The following HS3ST2 variants were observed in gnomAD, a reference collection of about 807,000 sequenced individuals.
The protein encoded by HS3ST2 is heparan sulfate-glucosamine 3-sulfotransferase 2.
Under a neutral mutation model 26.3 loss-of-function variants are expected in HS3ST2, and 17 were observed. The observed-to-expected ratio is 0.65, with a 90% confidence interval of 0.44 to 0.97. The LOEUF (loss-of-function observed/expected upper bound fraction) is 0.97, where lower values mean the gene tolerates loss of function less well. Ranked by LOEUF, HS3ST2 falls within the 50% of genes least tolerant of loss-of-function variation. The pLI is 0.00. For missense variants in HS3ST2, 402 were observed against 501.2 expected (o/e 0.80, Z 1.89); for synonymous variants, 237 against 219.2 (o/e 1.08, Z -0.72).
chr16:22,861,402 C>T (rs995576241), intron 1 of HS3ST2, among the ~76,000 whole-genome samples: 2 of 151,766 alleles, frequency 1.3e-5, no homozygotes, highest in African/African-American at 2.4e-5. Context: ...AGAACCTGTA[C>T]TTGCTGGAGA....
intron 1 of HS3ST2, among the ~76,000 whole-genome samples, chr16:22,879,131 G>C (rs1303022532): frequency 6.6e-6 from 1 of 152,212 alleles, no homozygotes; most frequent in East Asian, 1.9e-4. Context: ...GACTGCCTGG[G>C]CTCTGGCTGC....
At chr16:22,865,049 CAA>C (rs59256411) in intron 1 of HS3ST2, among the ~76,000 whole-genome samples, 8,054 of 49,504 alleles carry the variant, frequency 0.16, 281 homozygotes, top group East Asian at 0.45. Context: ...GACCCTATCT[CAA>C]AAAAAAAAAA....
chr16:22,906,412 C>A (rs1429596149), intron 1 of HS3ST2, among the ~76,000 whole-genome samples: 1 of 62,966 alleles, frequency 1.6e-5, no homozygotes, highest in Non-Finnish European at 3.2e-5. Context: ...GGTACCTGGG[C>A]CTCGTGCCCA....
intron 1 of HS3ST2, among the ~76,000 whole-genome samples, chr16:22,815,804 C>A (rs1168289612): frequency 6.6e-6 from 1 of 152,170 alleles, no homozygotes; most frequent in African/African-American, 2.4e-5. Context: ...TCCCAATGGG[C>A]AGGAAAACAG....
At chr16:22,883,891 C>A (rs936553224) in intron 1 of HS3ST2, among the ~76,000 whole-genome samples, 3 of 152,190 alleles carry the variant, frequency 2.0e-5, no homozygotes, top group African/African-American at 7.2e-5. Flanking sequence ...GGAACCCACC[C>A]AGCCAGCCAC....
chr16:22,900,827 C>T (rs768461928), intron 1 of HS3ST2, among the ~76,000 whole-genome samples: 4 of 151,922 alleles, frequency 2.6e-5, no homozygotes, highest in Admixed American at 6.6e-5. Flanking sequence ...CGGAGAGTAC[C>T]GCTTCAGAAG....
At chr16:22,893,758 TAAC>T (rs2141201771) in intron 1 of HS3ST2, among the ~76,000 whole-genome samples, 1 of 151,774 alleles carries the variant, frequency 6.6e-6, no homozygotes, top group African/African-American at 2.4e-5. Flanking sequence ...AAGTAGGAGT[TAAC>T]AATGAGAACA....
intron 1 of HS3ST2, among the ~76,000 whole-genome samples, chr16:22,898,780 A>G (rs1902242018): frequency 6.6e-6 from 1 of 152,174 alleles, no homozygotes; most frequent in Admixed American, 6.5e-5. Context: ...GACATGAATT[A>G]TATGTAGGCA....
chr16:22,863,041 G>A (rs1293969136), intron 1 of HS3ST2, among the ~76,000 whole-genome samples: 1 of 152,230 alleles, frequency 6.6e-6, no homozygotes, highest in Non-Finnish European at 1.5e-5. Flanking sequence ...ACTACAGACA[G>A]TCTTCCCAGT....
At chr16:22,861,727 C>T (rs1026012513) in intron 1 of HS3ST2, among the ~76,000 whole-genome samples, 2 of 152,160 alleles carry the variant, frequency 1.3e-5, no homozygotes, top group African/African-American at 4.8e-5. Flanking sequence ...ATTGTGGCCT[C>T]CGGCATCTCA....
At chr16:22,909,179 C>T (rs78858436) in intron 1 of HS3ST2, among the ~76,000 whole-genome samples, 1 of 152,326 alleles carries the variant, frequency 6.6e-6, no homozygotes, top group Non-Finnish European at 1.5e-5. Context: ...CCACCCTTGG[C>T]CCATCAAGAT....
At chr16:22,888,755 G>A (rs1488049845) in intron 1 of HS3ST2, among the ~76,000 whole-genome samples, 1 of 152,190 alleles carries the variant, frequency 6.6e-6, no homozygotes, top group Non-Finnish European at 1.5e-5. Context: ...ATGGTCTGTT[G>A]TTGCCTGCCA....
At chr16:22,832,151 C>CTTTTTTTTTTTTTTTT (rs71151684) in intron 1 of HS3ST2, among the ~76,000 whole-genome samples, 3 of 115,468 alleles carry the variant, frequency 2.6e-5, no homozygotes, top group Non-Finnish European at 3.6e-5. Flanking sequence ...CCCAGCTGAT[C>CTTTTTTTTTTTTTTTT]TTTTTTTTTT....
intron 1 of HS3ST2, among the ~76,000 whole-genome samples, chr16:22,816,955 C>A (rs925891620): frequency 2.0e-5 from 3 of 152,164 alleles, no homozygotes; most frequent in Admixed American, 2.0e-4. Context: ...CTCCTCCCTC[C>A]CCTCTCTTCC....
chr16:22,846,251 T>C (rs1053465186), intron 1 of HS3ST2, among the ~76,000 whole-genome samples: 2 of 151,064 alleles, frequency 1.3e-5, no homozygotes, highest in South Asian at 2.1e-4. Context: ...CTCTCCAGCC[T>C]GGGTGGCAGA....
At chr16:22,816,787 G>T (rs1250346782) in intron 1 of HS3ST2, among the ~76,000 whole-genome samples, 1 of 152,242 alleles carries the variant, frequency 6.6e-6, no homozygotes, top group Non-Finnish European at 1.5e-5. Context: ...GACCACATTC[G>T]AATGCAGGCC....
intron 1 of HS3ST2, among the ~76,000 whole-genome samples, chr16:22,877,797 G>C (rs933920158): frequency 2.0e-5 from 3 of 152,236 alleles, no homozygotes; most frequent in Admixed American, 6.5e-5. Context: ...TCAAGGTGTT[G>C]CTTGTCTGAC....
At chr16:22,826,445 C>T (rs1901087938) in intron 1 of HS3ST2, among the ~76,000 whole-genome samples, 1 of 152,206 alleles carries the variant, frequency 6.6e-6, no homozygotes, top group African/African-American at 2.4e-5. Flanking sequence ...CTCACCTCCT[C>T]ACCACTCTCT....
intron 1 of HS3ST2, among the ~76,000 whole-genome samples, chr16:22,816,030 G>A (rs1002789467): frequency 1.3e-5 from 2 of 152,160 alleles, no homozygotes; most frequent in African/African-American, 2.4e-5. Flanking sequence ...TATCCCCACT[G>A]GGGGAGTCAA....
Sources: gnomAD v4.1 joint callset for allele counts (sites outside exome capture counted in the v4.1 genomes callset) on GRCh38, gnomAD v4.1.1 for gene constraint, MANE v1.5 for transcripts, NCBI Gene and HGNC (gene_info 2026-07-23, HGNC 2026-07-21) for gene names.